Variants in JMJD1C observed in about 807,000 individuals in gnomAD.
The protein encoded by JMJD1C is jumonji domain containing 1C.
JMJD1C carries 31 observed loss-of-function variants against 245.3 expected under a neutral mutation model. The ratio of observed to expected loss-of-function variants is 0.13; its 90% CI spans 0.09 to 0.17. The LOEUF is 0.17. Among genes scored for constraint, JMJD1C ranks in the 10% least tolerant of loss-of-function variants. JMJD1C has a pLI of 1.00. For missense variants in JMJD1C, 2,691 were observed against 3,000.2 expected (o/e 0.90, Z 2.41); for synonymous variants, 1,057 against 1,017.4 (o/e 1.04, Z -0.74).
chr10:63,269,036 A>C lies in JMJD1C; in HGVS notation c.334-4272T>G, dbSNP rs772226840. 8.1e-6 allele frequency: 8 copies of C among 985,400 alleles called. No homozygotes were observed. The South Asian group carries it at 3.8e-4, about 46-fold the overall frequency. The allele number at this position is 985,400 out of a possible 1,614,324, so 61.0% of individuals were successfully genotyped here. ...AACGACTAAGAAATCCTGCAGCTGA[A>C]GCACTACTGCATCCTCCGATCTGGG... On this transcript the variant is annotated intron_variant, in intron 2 of 25. Transcript: ENST00000399262.
At chr10:63,459,107 T>A (rs1161633828) in intron 1 of JMJD1C, among the ~76,000 whole-genome samples, 1 of 152,188 alleles carries the variant, frequency 6.6e-6, no homozygotes, top group Non-Finnish European at 1.5e-5. Flanking sequence ...ATAGCACAGT[T>A]CCTAGGCAAC....
chr10:63,514,783 A>T (rs568662256), intron 1 of JMJD1C, among the ~76,000 whole-genome samples: 148 of 151,306 alleles, frequency 9.8e-4, no homozygotes, highest in Non-Finnish European at 1.8e-3. Context: ...ATAAAAGCTT[A>T]AAAAAAAAGT....
At chr10:63,310,138 C>CT (rs977204366) in intron 2 of JMJD1C, among the ~76,000 whole-genome samples, 1 of 152,098 alleles carries the variant, frequency 6.6e-6, no homozygotes, top group African/African-American at 2.4e-5. Context: ...TAAACCCTAT[C>CT]TAACAGCATA....
chr10:63,214,660 G>C lies in JMJD1C; in HGVS notation c.1507C>G (p.Pro503Ala). The change falls in exon 8 of 26, where the codon CCA becomes GCA. Residue 503 changes from proline to alanine, a missense_variant. By Grantham distance (27) the Pro-to-Ala change is conservative (BLOSUM62 -1). Around this residue, in one of 9 missense-constraint regions of JMJD1C, gnomAD observed 1,562 missense variants for 1,490.7 expected, o/e 1.05. Coordinates refer to ENST00000399262, the MANE Select transcript of JMJD1C (RefSeq NM_032776.3). Reference protein sequence around the residue: ...LLPKEKFVSRPPTPKCVIDIT... With the variant: ...LLPKEKFVSRAPTPKCVIDIT... Reference sequence around the variant, plus strand: ...TCAATAACACATTTTGGTGTGGGTGGTCTGGATACAAACTTCTCCTTTGGT... The same window carrying C: ...TCAATAACACATTTTGGTGTGGGTGCTCTGGATACAAACTTCTCCTTTGGT... 6.2e-7 allele frequency: 1 copy of C among 1,613,996 alleles called. No homozygotes were observed.
chr10:63,477,944 G>C (rs139383381), intron 1 of JMJD1C, among the ~76,000 whole-genome samples: 42 of 152,114 alleles, frequency 2.8e-4, no homozygotes, highest in African/African-American at 9.2e-4. Flanking sequence ...CACCAAATAA[G>C]ATATGCAAGT....
chr10:63,218,315 T>C (rs1448237784), intron 4 of JMJD1C, among the ~76,000 whole-genome samples: 2 of 152,078 alleles, frequency 1.3e-5, no homozygotes, highest in East Asian at 1.9e-4. Context: ...TTTAAATATA[T>C]ATATATAAAT....
At chr10:63,253,386 C>CA (rs1853376993) in intron 3 of JMJD1C, among the ~76,000 whole-genome samples, 1 of 150,354 alleles carries the variant, frequency 6.7e-6, no homozygotes, top group East Asian at 2.1e-4. Flanking sequence ...TTATATTACA[C>CA]CTTTTTTTTT....
chr10:63,193,303 T>C lies in JMJD1C; in HGVS notation c.5862+42A>G, dbSNP rs1260766943. On this transcript the variant is annotated intron_variant, in intron 15 of 25. Coordinates refer to ENST00000399262, the MANE Select transcript of JMJD1C (RefSeq NM_032776.3). ...AAATAAATATCAAAGTTGACTAATT[T>C]AACCACAGATTTTATTTGAATAACC... 2.6e-6 allele frequency: 4 copies of C among 1,547,788 alleles called. No homozygotes were observed. The African/African-American group carries it at 5.5e-5, about 21-fold the overall frequency.
intron 1 of JMJD1C, among the ~76,000 whole-genome samples, chr10:63,500,553 G>C (rs890233801): frequency 1.3e-5 from 2 of 152,060 alleles, no homozygotes; most frequent in African/African-American, 2.4e-5. Context: ...GTCCAACATG[G>C]CAAAACCCTG....
In JMJD1C at chr10:63,213,606, T is replaced by C; in HGVS notation, c.2561A>G (p.Tyr854Cys). The change falls in exon 8 of 26, where the codon TAT becomes TGT. Residue 854 changes from tyrosine to cysteine, a missense_variant. Coordinates refer to ENST00000399262, the MANE Select transcript of JMJD1C (RefSeq NM_032776.3). ...LLGQAHPSAS[Y>C]NQLGLYPIIW... The stretch of plus-strand genomic sequence containing the variant: ...AATTGGATAAAGTCCAAGCTGATTA[T>C]ATGAAGCAGAAGGATGGGCTTGTCC... 6.2e-7 allele frequency: 1 copy of C among 1,614,186 alleles called. No individual in the cohort carries two copies. The highest frequency in any genetic ancestry group is 1.7e-5 in the Admixed American group (1 of 60,018).
At position 63,177,931 on chromosome 10, in the gene JMJD1C, C is replaced by CA. The variant is rs909045410; in HGVS notation, c.7085-76dup. 46 of 1,447,236 alleles carry CA rather than the reference C, an allele frequency of 3.2e-5. 1 individual carries two copies. In the Middle Eastern group the frequency reaches 2.9e-3, roughly 91 times the overall value. 89.6% of individuals were successfully genotyped at this position (1,447,236 alleles called of 1,614,324 possible). A position where few individuals can be genotyped will look rare whatever the true frequency, so the allele number is the denominator to read the frequency against. On this transcript the variant is annotated intron_variant, in intron 22 of 25. Coordinates refer to ENST00000399262, the MANE Select transcript of JMJD1C (RefSeq NM_032776.3). ...GCCAAGTCTCCTAAAGTTGATCTAT[C>CA]AGAGCAGCAGAGTGCCTGACTAGGA... is the stretch of plus-strand genomic sequence containing the variant.
At chr10:63,345,488 C>CAAA (rs34551660) in intron 2 of JMJD1C, among the ~76,000 whole-genome samples, 83 of 100,448 alleles carry the variant, frequency 8.3e-4, no homozygotes, top group African/African-American at 2.9e-3. Context: ...GACTTTGTCT[C>CAAA]AAAAAAAAAA....
chr10:63,453,975 A>G (rs1010380683), intron 1 of JMJD1C, among the ~76,000 whole-genome samples: 4 of 152,146 alleles, frequency 2.6e-5, no homozygotes, highest in African/African-American at 9.7e-5. Context: ...CGCTCGCCTC[A>G]GCCTCCCAGA....
chr10:63,274,551 C>T (rs944295165), intron 2 of JMJD1C, among the ~76,000 whole-genome samples: 2 of 151,108 alleles, frequency 1.3e-5, no homozygotes, highest in African/African-American at 2.4e-5. Context: ...GGTGACAGAG[C>T]GAGACTCAGT....
chr10:63,506,675 A>T (rs1323828550), intron 1 of JMJD1C, among the ~76,000 whole-genome samples: 1 of 152,136 alleles, frequency 6.6e-6, no homozygotes, highest in African/African-American at 2.4e-5. Flanking sequence ...GTTCCCATTT[A>T]CCGCCTGTCC....
chr10:63,307,484 A>C (rs561742671), intron 2 of JMJD1C, among the ~76,000 whole-genome samples: 2 of 152,206 alleles, frequency 1.3e-5, no homozygotes, highest in African/African-American at 4.8e-5. Flanking sequence ...AAAATACCTC[A>C]TAAGGACAGG....
chr10:63,200,786 T>C (rs1845921007), intron 10 of JMJD1C, 109 bp from the exon 11 acceptor site: 2 of 915,212 alleles, frequency 2.2e-6, no homozygotes. Flanking sequence ...GGTAAGACTT[T>C]AGTAAAGAAG....
chr10:63,281,203 C>T lies in JMJD1C; in HGVS notation c.334-16439G>A, dbSNP rs370312705. On this transcript the variant is annotated intron_variant, in intron 2 of 25. Coordinates refer to ENST00000399262, the MANE Select transcript of JMJD1C (RefSeq NM_032776.3). ...ACGCTGAAGTGCAGTGGCACGATCT[C>T]GGCTCACTGCAACCTCTGCTTCCCA... Among the ~76,000 whole-genome samples, 78 of 148,366 alleles carry T rather than the reference C, an allele frequency of 5.3e-4. 1 individual carries two copies. The South Asian group carries it at 0.016, about 31-fold the overall frequency.
intron 1 of JMJD1C, chr10:63,382,955 A>G (rs1486958342): frequency 4.9e-6 from 2 of 412,214 alleles, no homozygotes; most frequent in Non-Finnish European, 9.6e-6. Flanking sequence ...CTGTATTAGT[A>G]TATAAGCAAA....
Sources: allele counts gnomAD v4.1 joint callset (sites outside exome capture counted in the v4.1 genomes callset), GRCh38; gene constraint gnomAD v4.1.1; regional missense constraint gnomAD v4.1.1; transcripts MANE v1.5; gene names NCBI Gene and HGNC (gene_info 2026-07-23, HGNC 2026-07-21).